Variants in CROT observed in about 807,000 individuals in gnomAD.
CROT encodes the protein peroxisomal carnitine O-octanoyltransferase.
A neutral mutation model predicts 89.2 loss-of-function variants in CROT; 84 were observed. The ratio of observed to expected loss-of-function variants is 0.94; its 90% CI spans 0.79 to 1.13. CROT has a LOEUF of 1.13. Among genes scored for constraint, CROT ranks in the 50% most tolerant of loss-of-function variants. CROT has a pLI of 0.00. For synonymous variants in CROT, 212 were observed against 239.5 expected (o/e 0.89, Z 1.06); for missense variants, 711 against 727.8 (o/e 0.98, Z 0.27).
Position 87,361,741 on chromosome 7 carries a change from G to C in CROT, c.436G>C (p.Val146Leu). The C allele has an allele frequency of 6.3e-7, 1 of 1,581,832 alleles. No individual in the cohort carries two copies. The highest frequency in any genetic ancestry group is 1.4e-5 in the African/African-American group (1 of 73,124). Reference sequence around the variant, plus strand: ...TTTTTTTAATAGAGAAAAAGTGCCTGTTCATAAAGTTGGAAATACTCCTCT... The same window carrying C: ...TTTTTTTAATAGAGAAAAAGTGCCTCTTCATAAAGTTGGAAATACTCCTCT... ...WQLLRKEKVP[V>L]HKVGNTPLDM... Residue 146 changes from valine to leucine, a missense_variant, in exon 6 of 18, where the codon GTT becomes CTT. Val to Leu is a conservative substitution (Grantham distance 32). Transcript: ENST00000331536.
Position 87,349,078 on chromosome 7 carries a change from C to G in CROT, c.10C>G (p.Gln4Glu). Residue 4 changes from glutamine to glutamate, a missense_variant, in exon 3 of 18, where the codon CAA becomes GAA. Gln to Glu is a conservative substitution (Grantham distance 29, BLOSUM62 2). Coordinates refer to ENST00000331536, the MANE Select transcript of CROT (RefSeq NM_021151.4). The stretch of plus-strand genomic sequence containing the variant: ...CTATTGTGATTTTATCATGGAAAAT[C>G]AATTGGCTAAATCAACTGAAGAACG... MENQLAKSTEERTF... is the reference protein window; with the variant it reads MENELAKSTEERTF... The G allele has an allele frequency of 6.3e-7, 1 of 1,589,642 alleles. No homozygotes were observed. Among genetic ancestry groups the G allele is most frequent in the Non-Finnish European group, 8.6e-7 (1 of 1,163,404 alleles).
rs553999637 is a variant in CROT at position 87,388,919 on chromosome 7, C to G, written c.1302-2670C>G. 2.6e-5 allele frequency among the ~76,000 whole-genome samples: 4 copies of G among 152,090 alleles called. No homozygotes were observed. In the East Asian group the frequency reaches 7.7e-4, roughly 29 times the overall value. On this transcript the variant is annotated intron_variant, in intron 13 of 17. Transcript: ENST00000331536. The stretch of plus-strand genomic sequence containing the variant: ...ATCCAGAATCTACAAGGAACTTAAA[C>G]AAATTTACAAGAAAAAAACAACCCC...
At chr7:87,380,017 G>A (rs1031555942) in intron 10 of CROT, among the ~76,000 whole-genome samples, 2 of 152,074 alleles carry the variant, frequency 1.3e-5, no homozygotes, top group Non-Finnish European at 2.9e-5. Flanking sequence ...AGGCTGAGGT[G>A]GGAGGATCAC....
chr7:87,368,259 G>A (rs1328651714), intron 6 of CROT, among the ~76,000 whole-genome samples: 1 of 152,154 alleles, frequency 6.6e-6, no homozygotes, highest in Non-Finnish European at 1.5e-5. Context: ...TTATTGTGAG[G>A]TAGCACCCTT....
intron 7 of CROT, among the ~76,000 whole-genome samples, chr7:87,373,774 C>G (rs1336657189): frequency 6.6e-6 from 1 of 151,974 alleles, no homozygotes; most frequent in Non-Finnish European, 1.5e-5. Flanking sequence ...ATAAGAGGAG[C>G]TTGGAAAGGC....
chr7:87,361,877 T>C (rs767888553), intron 6 of CROT, 25 bp downstream of exon 6: 2 of 1,555,224 alleles, frequency 1.3e-6, no homozygotes, highest in South Asian at 2.4e-5. Flanking sequence ...AGATATCGTT[T>C]TTAGTAAAGG....
intron 6 of CROT, among the ~76,000 whole-genome samples, chr7:87,368,618 G>A (rs559935648): frequency 1.1e-4 from 17 of 152,270 alleles, no homozygotes; most frequent in Non-Finnish European, 2.2e-4. Context: ...ATACTGACCC[G>A]TAAATAATAC....
chr7:87,358,035 G>A (rs1255404047), intron 3 of CROT, among the ~76,000 whole-genome samples: 2 of 152,104 alleles, frequency 1.3e-5, no homozygotes, highest in South Asian at 2.1e-4. Flanking sequence ...AATTAAAACG[G>A]CATTACTCTG....
intron 1 of CROT, among the ~76,000 whole-genome samples, 165 bp from the exon 2 acceptor site, chr7:87,346,175 C>A (rs1805666969): frequency 1.3e-5 from 2 of 151,910 alleles, no homozygotes; most frequent in Non-Finnish European, 2.9e-5. Flanking sequence ...TTTACTCCTG[C>A]TCTCTAGCAG....
intron 10 of CROT, among the ~76,000 whole-genome samples, chr7:87,380,333 A>T (rs546080552): frequency 1.3e-5 from 2 of 152,416 alleles, no homozygotes; most frequent in South Asian, 4.1e-4. Flanking sequence ...CATAGGAAGC[A>T]TGTAAAAACT....
chr7:87,357,574 G>A (rs575091816), intron 3 of CROT: 482 of 1,311,102 alleles, frequency 3.7e-4, no homozygotes, highest in African/African-American at 5.3e-4. Context: ...TGGATCTCAC[G>A]CGGGAAGGAA....
intron 2 of CROT, among the ~76,000 whole-genome samples, chr7:87,347,449 G>A (rs1805720299): frequency 6.6e-6 from 1 of 152,140 alleles, no homozygotes; most frequent in South Asian, 2.1e-4. Context: ...GTTGCCCTAG[G>A]GGCACATGGC....
At chr7:87,369,920 T>C (rs1806577012) in intron 7 of CROT, among the ~76,000 whole-genome samples, 1 of 150,364 alleles carries the variant, frequency 6.7e-6, no homozygotes, top group South Asian at 2.1e-4. Context: ...TTTCAAAATG[T>C]ATAGGGGATT....
At chr7:87,381,479 C>T (rs1296224386) in intron 10 of CROT, among the ~76,000 whole-genome samples, 7 of 152,172 alleles carry the variant, frequency 4.6e-5, no homozygotes, top group African/African-American at 1.7e-4. Flanking sequence ...AAGTCCTTAC[C>T]TAAAGAAGTT....
intron 6 of CROT, among the ~76,000 whole-genome samples, chr7:87,364,600 T>G (rs1397094513): frequency 2.0e-5 from 3 of 152,232 alleles, no homozygotes; most frequent in Non-Finnish European, 4.4e-5. Flanking sequence ...AGTTTTGATG[T>G]GCACTGGGAG....
At chr7:87,396,248 G>T (rs1807520833) in intron 17 of CROT, among the ~76,000 whole-genome samples, 1 of 152,108 alleles carries the variant, frequency 6.6e-6, no homozygotes, top group Non-Finnish European at 1.5e-5. Context: ...GAGCAATATA[G>T]TAAGACCTCA....
chr7:87,392,491 C>T, intron 14 of CROT, 75 bp from the exon 15 acceptor site: 1 of 1,155,150 alleles, frequency 8.7e-7, no homozygotes, highest in East Asian at 2.3e-5. Flanking sequence ...ATCCTAATTA[C>T]AATGAGCTTA....
At position 87,361,712 on chromosome 7, in the gene CROT, A is replaced by G; in HGVS notation, c.423-16A>G. 2 of 1,561,712 alleles carry G rather than the reference A, an allele frequency of 1.3e-6. No individual in the cohort carries two copies. The highest frequency in any genetic ancestry group is 2.3e-5 in the East Asian group (1 of 44,220). On this transcript the variant is annotated splice_polypyrimidine_tract_variant and intron_variant, in intron 5 of 17. Transcript: ENST00000331536. ...ATTTTATAATGACTTTTTGATCAAA[A>G]TCCTTTTTTTAATAGAGAAAAAGTG...
intron 12 of CROT, 100 bp from the exon 13 acceptor site, chr7:87,382,313 T>C: frequency 3.4e-6 from 5 of 1,451,300 alleles, no homozygotes; most frequent in Non-Finnish European, 4.7e-6. Context: ...TTTAATTCTT[T>C]ATGTCTGGTG....
Sources: gnomAD v4.1 joint callset for allele counts (sites outside exome capture counted in the v4.1 genomes callset) on GRCh38, gnomAD v4.1.1 for gene constraint, MANE v1.5 for transcripts, NCBI Gene and HGNC (gene_info 2026-07-23, HGNC 2026-07-21) for gene names.